Variants in RGS7 observed in about 807,000 individuals in gnomAD.
RGS7 encodes regulator of G protein signaling 7.
A neutral mutation model predicts 81.1 loss-of-function variants in RGS7; 27 were observed. The ratio of observed to expected loss-of-function variants is 0.33; its 90% CI spans 0.25 to 0.46. The LOEUF is 0.46. Ranked by LOEUF, RGS7 falls within the 20% of genes least tolerant of loss-of-function variation. RGS7 has a pLI of 1.00. For synonymous variants in RGS7, 208 were observed against 207.7 expected, an observed-to-expected ratio of 1.00 and a Z score of -0.01; for missense variants, 396 against 607.4, an observed-to-expected ratio of 0.65 and a Z score of 3.66.
At chr1:241,043,291 T>C (rs1156927637) in intron 3 of RGS7, among the ~76,000 whole-genome samples, 1 of 151,994 alleles carries the variant, frequency 6.6e-6, no homozygotes, top group Admixed American at 6.6e-5. Context: ...TACACTATTT[T>C]GTCTCAAATT....
chr1:240,963,452 GAA>G (rs1418887272), intron 4 of RGS7, among the ~76,000 whole-genome samples: 1 of 152,160 alleles, frequency 6.6e-6, no homozygotes, highest in African/African-American at 2.4e-5. Flanking sequence ...GGCAAATAGA[GAA>G]ATCTGTGAAA....
intron 5 of RGS7, among the ~76,000 whole-genome samples, chr1:240,933,094 G>C (rs981926958): frequency 6.0e-5 from 9 of 149,978 alleles, no homozygotes; most frequent in Non-Finnish European, 1.0e-4. Context: ...GTGTTAGCCA[G>C]GATGGTCTCC....
At chr1:241,139,666 TTGTC>T (rs762439353) in intron 2 of RGS7, among the ~76,000 whole-genome samples, 5 of 152,176 alleles carry the variant, frequency 3.3e-5, no homozygotes, top group Non-Finnish European at 5.9e-5. Flanking sequence ...ACATTCCTTG[TTGTC>T]TGTCTTTTTT....
At chr1:241,220,700 C>G (rs568461676) in intron 2 of RGS7, among the ~76,000 whole-genome samples, 1 of 152,092 alleles carries the variant, frequency 6.6e-6, no homozygotes, top group East Asian at 1.9e-4. Context: ...ATTATTAATA[C>G]TTTTGCAATC....
intron 2 of RGS7, among the ~76,000 whole-genome samples, chr1:241,252,574 T>C (rs568032941): frequency 6.6e-6 from 1 of 152,256 alleles, no homozygotes; most frequent in South Asian, 2.1e-4. Flanking sequence ...AAGTAACCTG[T>C]AGAGAAATTC....
At chr1:240,919,222 T>A (rs1298705243) in intron 6 of RGS7, among the ~76,000 whole-genome samples, 1 of 152,128 alleles carries the variant, frequency 6.6e-6, no homozygotes, top group Non-Finnish European at 1.5e-5. Flanking sequence ...ATTTTCTAAC[T>A]AATTCTACAA....
At chr1:240,806,835 C>A (rs16840698) in intron 14 of RGS7, among the ~76,000 whole-genome samples, 6,707 of 151,778 alleles carry the variant, frequency 0.044, 481 homozygotes, top group African/African-American at 0.15. Flanking sequence ...GTATGGAGAG[C>A]CTTTTCTGTT....
intron 4 of RGS7, among the ~76,000 whole-genome samples, chr1:240,940,467 GTAACATCCTTT>G (rs1476180799): frequency 4.6e-5 from 7 of 152,316 alleles, no homozygotes; most frequent in African/African-American, 1.7e-4. Context: ...GGGGCAACAT[GTAACATCCTTT>G]GTAGGTGGCC....
chr1:241,017,373 G>A (rs1045346110), intron 3 of RGS7, among the ~76,000 whole-genome samples: 11 of 150,186 alleles, frequency 7.3e-5, no homozygotes, highest in African/African-American at 9.9e-5. Flanking sequence ...CTCAGGAGGT[G>A]GAGTTGCAGT....
chr1:241,067,849 A>G (rs1490598844), intron 3 of RGS7, among the ~76,000 whole-genome samples: 1 of 152,020 alleles, frequency 6.6e-6, no homozygotes, highest in Non-Finnish European at 1.5e-5. Context: ...AATACCTGCA[A>G]GTAGATTAAT....
At chr1:241,111,536 A>G (rs1469870914) in intron 2 of RGS7, among the ~76,000 whole-genome samples, 2 of 152,092 alleles carry the variant, frequency 1.3e-5, no homozygotes, top group African/African-American at 4.8e-5. Context: ...AGTGCTTTGG[A>G]AAGCTGAGGG....
Position 241,271,884 on chromosome 1 carries a change from C to CGTGT in RGS7, c.78+83811_78+83814dup, listed in dbSNP as rs373357799. Among the ~76,000 whole-genome samples, 785 of 140,458 alleles carry CGTGT rather than the reference C, an allele frequency of 5.6e-3. 5 individuals carry two copies. Among genetic ancestry groups the CGTGT allele is most frequent in the African/African-American group, 0.012 (446 of 37,072 alleles). The allele number at this position is 140,458 out of a possible 152,430, so 92.1% of individuals were successfully genotyped here. ...AATCACACAAGCCAAATCTTTATAA[C>CGTGT]GTGTGTGTGTGTGTGTGTGTGTGTG... On this transcript the variant is annotated intron_variant, in intron 2 of 18. Coordinates refer to ENST00000440928, the MANE Select transcript of RGS7 (RefSeq NM_001364886.1). This position sits in a 1 kb window ranked among gnomAD's most constrained non-coding sequence, Gnocchi z 4.6.
At chr1:241,303,997 GATA>G (rs1215305037) in intron 2 of RGS7, among the ~76,000 whole-genome samples, 3 of 152,180 alleles carry the variant, frequency 2.0e-5, no homozygotes, top group Admixed American at 1.3e-4. Context: ...CTTTCAAAAT[GATA>G]ATATTTTGCA....
intron 2 of RGS7, among the ~76,000 whole-genome samples, chr1:241,109,409 CTTTAT>C (rs986700232): frequency 2.6e-5 from 4 of 152,050 alleles, no homozygotes; most frequent in African/African-American, 9.7e-5. Context: ...TACTTGAGAT[CTTTAT>C]TTTTAGTTTA....
intron 18 of RGS7, among the ~76,000 whole-genome samples, chr1:240,784,352 T>C (rs1392839355): frequency 6.6e-6 from 1 of 151,906 alleles, no homozygotes; most frequent in Non-Finnish European, 1.5e-5. Flanking sequence ...TTTTAGATTT[T>C]TTTTGAGGCC....
chr1:241,068,257 T>TATATATATATAA (rs1433690559), intron 3 of RGS7, among the ~76,000 whole-genome samples: 2,575 of 72,890 alleles, frequency 0.035, 485 homozygotes, highest in East Asian at 0.086. Flanking sequence ...TATATATATA[T>TATATATATATAA]AAAATATTGT....
chr1:241,324,366 TA>T (rs1238475629), intron 2 of RGS7, among the ~76,000 whole-genome samples: 1 of 152,114 alleles, frequency 6.6e-6, no homozygotes, highest in Non-Finnish European at 1.5e-5. Context: ...ACTTTTTACT[TA>T]AAACCTAGAT....
intron 9 of RGS7, among the ~76,000 whole-genome samples, chr1:240,854,152 C>A (rs368410478): frequency 6.6e-6 from 1 of 152,066 alleles, no homozygotes; most frequent in Non-Finnish European, 1.5e-5. Flanking sequence ...ACACCCTGGT[C>A]TTAAATACCA....
At chr1:241,001,370 C>T (rs4660023) in intron 3 of RGS7, among the ~76,000 whole-genome samples, 50,139 of 151,666 alleles carry the variant, frequency 0.33, 8,721 homozygotes, top group Admixed American at 0.43. Context: ...ATGAACTGTA[C>T]GGTATAAAAA....
Sources: gnomAD v4.1 joint callset for allele counts (sites outside exome capture counted in the v4.1 genomes callset) on GRCh38, gnomAD v4.1.1 for gene constraint, Gnocchi (gnomAD v3.1) non-coding constraint, MANE v1.5 for transcripts, NCBI Gene and HGNC (gene_info 2026-07-23, HGNC 2026-07-21) for gene names.